Variants in GMDS observed in about 807,000 individuals in gnomAD.
The protein encoded by GMDS is GDP-mannose 4,6-dehydratase, also known as GDP-mannose 4,6 dehydratase.
Under a neutral mutation model 49.9 loss-of-function variants are expected in GMDS, and 20 were observed. The observed-to-expected ratio is 0.40, with a 90% CI of 0.28 to 0.58. The LOEUF is 0.58. Ranked by LOEUF, GMDS falls within the 20% of genes least tolerant of loss-of-function variation. GMDS has a pLI of 0.42. For synonymous variants in GMDS, 177 were observed against 178.6 expected (o/e 0.99, Z 0.07); for missense variants, 362 against 481.4 (o/e 0.75, Z 2.32).
intron 7 of GMDS, among the ~76,000 whole-genome samples, chr6:1,758,899 A>C (rs1044326103): frequency 2.6e-5 from 4 of 152,052 alleles, no homozygotes; most frequent in African/African-American, 9.7e-5. Context: ...AAATAATAAT[A>C]ATCCCTACCT....
chr6:2,124,051 T>A (rs928421409), intron 2 of GMDS, among the ~76,000 whole-genome samples: 2 of 152,024 alleles, frequency 1.3e-5, no homozygotes, highest in African/African-American at 4.8e-5. Context: ...TTTTTTTTTT[T>A]TTCTGTATAG....
At chr6:1,839,077 C>A (rs1431913431) in intron 7 of GMDS, among the ~76,000 whole-genome samples, 1 of 152,066 alleles carries the variant, frequency 6.6e-6, no homozygotes, top group Non-Finnish European at 1.5e-5. Context: ...GTTTGAAAAT[C>A]CAATTCATCT....
At chr6:1,759,904 C>G (rs902365294) in intron 7 of GMDS, among the ~76,000 whole-genome samples, 1 of 152,076 alleles carries the variant, frequency 6.6e-6, no homozygotes, top group Non-Finnish European at 1.5e-5. Flanking sequence ...CCCCAGCCCC[C>G]CACCCCCCAA....
chr6:1,797,234 G>T (rs1769776908), intron 7 of GMDS, among the ~76,000 whole-genome samples: 1 of 152,212 alleles, frequency 6.6e-6, no homozygotes, highest in Admixed American at 6.5e-5. Flanking sequence ...AATGCTTGAT[G>T]ATCTGAGGTG....
At chr6:2,204,297 G>A (rs928340631) in intron 1 of GMDS, among the ~76,000 whole-genome samples, 1 of 152,080 alleles carries the variant, frequency 6.6e-6, no homozygotes, top group Non-Finnish European at 1.5e-5. Context: ...CCCAAATCTT[G>A]TCCAATGCTC....
chr6:2,169,259 G>A lies in GMDS; in HGVS notation c.103-44528C>T, dbSNP rs575641915. Among the ~76,000 whole-genome samples, 20 of 152,256 alleles carry A rather than the reference G, an allele frequency of 1.3e-4. 1 individual carries two copies. The South Asian group carries it at 4.1e-3, about 32-fold the overall frequency. On this transcript the variant is annotated intron_variant, in intron 1 of 10. Transcript: ENST00000380815. ...ATCGTTATTACAAAAATACTTAAAA[G>A]TCCATTTGATATTAAAACCAGTTGA... is the stretch of plus-strand genomic sequence containing the variant.
intron 8 of GMDS, among the ~76,000 whole-genome samples, chr6:1,737,903 A>G (rs1049350024): frequency 4.1e-5 from 6 of 146,234 alleles, no homozygotes; most frequent in Non-Finnish European, 9.1e-5. Flanking sequence ...ACACACATAC[A>G]CACCACACAC....
chr6:2,142,437 G>T (rs949436617), intron 1 of GMDS, among the ~76,000 whole-genome samples: 4 of 152,044 alleles, frequency 2.6e-5, no homozygotes, highest in Non-Finnish European at 5.9e-5. Context: ...AGAAAGAAAA[G>T]AAAATCTGGA....
At chr6:1,717,205 G>A (rs1345285417) in intron 9 of GMDS, among the ~76,000 whole-genome samples, 1 of 152,230 alleles carries the variant, frequency 6.6e-6, no homozygotes, top group African/African-American at 2.4e-5. Flanking sequence ...GTAAGACAAT[G>A]AATCTGGGTA....
rs1199798361 is a variant in GMDS at position 2,239,279 on chromosome 6, G to C, written c.102+6042C>G. Among the ~76,000 whole-genome samples the C allele has an allele frequency of 3.5e-5, 5 of 144,802 alleles. No individual in the cohort carries two copies. In the South Asian group the frequency reaches 8.6e-4, roughly 25 times the overall value. The allele number at this position is 144,802 out of a possible 152,430, so 95.0% of individuals were successfully genotyped here. On this transcript the variant is annotated intron_variant, in intron 1 of 10. Coordinates refer to ENST00000380815, the MANE Select transcript of GMDS (RefSeq NM_001500.4). ...AGGACACGGATGTTGCAGTGAGTGA[G>C]ATCATACCACCATTGCACTCCAGCC...
chr6:1,988,079 T>C (rs62390683), intron 4 of GMDS, among the ~76,000 whole-genome samples: 8,300 of 152,254 alleles, frequency 0.055, 323 homozygotes, highest in Non-Finnish European at 0.075. Context: ...ATGCATTCTT[T>C]ACTATTTTCT....
Position 1,993,861 on chromosome 6 carries a change from T to C in GMDS, c.346-32895A>G, listed in dbSNP as rs1766109194. Among the ~76,000 whole-genome samples the C allele has an allele frequency of 2.0e-5, 3 of 152,016 alleles. No homozygotes were observed. In the South Asian group the frequency reaches 6.2e-4, roughly 31 times the overall value. ...GTGGATTCTTGCCTAAAAAGCTAGC[T>C]CTAGCTGCAAATTTCCTATATTCTC... On this transcript the variant is annotated intron_variant, in intron 4 of 10. Transcript: ENST00000380815.
intron 1 of GMDS, among the ~76,000 whole-genome samples, chr6:2,158,343 A>G (rs1777212988): frequency 6.6e-6 from 1 of 152,328 alleles, no homozygotes; most frequent in Admixed American, 6.5e-5. Context: ...TCTGGGAGGG[A>G]TTCCTTAATT....
intron 9 of GMDS, among the ~76,000 whole-genome samples, chr6:1,723,693 C>A (rs1246156182): frequency 6.6e-6 from 1 of 151,898 alleles, no homozygotes; most frequent in East Asian, 1.9e-4. Flanking sequence ...GGACAGATGA[C>A]CTAAGCTGAT....
chr6:1,667,817 GA>G (rs148265998), intron 9 of GMDS, among the ~76,000 whole-genome samples: 4 of 149,446 alleles, frequency 2.7e-5, no homozygotes, highest in Non-Finnish European at 5.9e-5. Flanking sequence ...TTTTTTAAAT[GA>G]AAAAAAATGT....
At chr6:1,789,662 A>C (rs1769454688) in intron 7 of GMDS, among the ~76,000 whole-genome samples, 1 of 150,308 alleles carries the variant, frequency 6.7e-6, no homozygotes, top group Admixed American at 6.7e-5. Context: ...TAGCCTCCCT[A>C]GTAGCTGGGA....
At chr6:1,807,764 G>C (rs1044142792) in intron 7 of GMDS, among the ~76,000 whole-genome samples, 1 of 152,104 alleles carries the variant, frequency 6.6e-6, no homozygotes, top group Non-Finnish European at 1.5e-5. Context: ...GTGGATCATA[G>C]AGGTAAATGT....
At chr6:1,956,621 A>G (rs1463959648) in intron 6 of GMDS, among the ~76,000 whole-genome samples, 1 of 151,818 alleles carries the variant, frequency 6.6e-6, no homozygotes, top group African/African-American at 2.4e-5. Context: ...CACCATGTAG[A>G]AAAAAAAGGG....
At chr6:1,776,758 C>T (rs933168980) in intron 7 of GMDS, among the ~76,000 whole-genome samples, 6 of 152,250 alleles carry the variant, frequency 3.9e-5, no homozygotes, top group Admixed American at 2.0e-4. Context: ...TTTACACCAT[C>T]GAAACCTGCC....
Sources: allele counts gnomAD v4.1 joint callset (sites outside exome capture counted in the v4.1 genomes callset), GRCh38; gene constraint gnomAD v4.1.1; transcripts MANE v1.5; gene names NCBI Gene and HGNC (gene_info 2026-07-23, HGNC 2026-07-21).